MCF2L: variants seen among roughly 807,000 people sequenced by gnomAD.
MCF2L encodes MCF.2 cell line derived transforming sequence like, also known as guanine nucleotide exchange factor DBS.
MCF2L carries 97 observed loss-of-function variants against 153.4 expected under a neutral mutation model. The ratio of observed to expected loss-of-function variants is 0.63; its 90% confidence interval spans 0.54 to 0.75. MCF2L has a LOEUF of 0.75. Among genes scored for constraint, MCF2L ranks in the 30% least tolerant of loss-of-function variants. The probability of loss-of-function intolerance (pLI) is 0.00; values close to 1 mark genes in which losing one functional copy is unlikely to be tolerated. For missense variants in MCF2L, 1,347 were observed against 1,495.2 expected (o/e 0.90, Z 1.64); for synonymous variants, 659 against 632.2 (o/e 1.04, Z -0.64).
Position 113,099,503 on chromosome 13 carries a change from G to A in MCF2L, c.*2644G>A, listed in dbSNP as rs2142179511. On this transcript the variant is annotated 3_prime_UTR_variant, in exon 30 of 30. Coordinates refer to ENST00000535094, the MANE Select transcript of MCF2L (RefSeq NM_001112732.3). ...AGATTGGTGTCGACAGCTTAGTGGT[G>A]TCTGATTTTATACATGACAAAATGA... 1 of 152,292 alleles carries A rather than the reference G, an allele frequency of 6.6e-6. No individual in the cohort carries two copies. The highest frequency in any genetic ancestry group is 6.5e-5 in the Admixed American group (1 of 15,306). The allele number at this position is 152,292 out of a possible 1,614,324, so 9.4% of individuals were successfully genotyped here. A position where few individuals can be genotyped will look rare whatever the true frequency, so the allele number is the denominator to read the frequency against.
chr13:113,061,319 CT>C (rs2031367426), intron 5 of MCF2L, among the ~76,000 whole-genome samples: 1 of 152,168 alleles, frequency 6.6e-6, no homozygotes, highest in African/African-American at 2.4e-5. Context: ...AGAACAAAGG[CT>C]TCACAAAGTC....
intron 1 of MCF2L, among the ~76,000 whole-genome samples, chr13:113,011,358 A>T (rs2084082997): frequency 6.6e-6 from 1 of 152,268 alleles, no homozygotes. Flanking sequence ...GTCCTGGCCC[A>T]GAGAGTCCAG....
At chr13:113,033,091 A>G (rs2993319) in intron 3 of MCF2L, among the ~76,000 whole-genome samples, 7,992 of 36,998 alleles carry the variant, frequency 0.22, 1,398 homozygotes, top group East Asian at 0.47. Flanking sequence ...ACCCCGTGGC[A>G]TGAGTGGCTG....
intron 9 of MCF2L, among the ~76,000 whole-genome samples, chr13:113,071,317 A>G (rs2032897872): frequency 2.6e-5 from 4 of 152,252 alleles, no homozygotes; most frequent in Admixed American, 6.5e-5. Flanking sequence ...TCTTTGCCAC[A>G]TATGTGGTTT....
In MCF2L at chr13:113,031,890, AGATG is replaced by A. The variant is rs1348618126; in HGVS notation, c.278+7133_278+7136del. On this transcript the variant is annotated intron_variant, in intron 3 of 29. Coordinates refer to ENST00000535094, the MANE Select transcript of MCF2L (RefSeq NM_001112732.3). This position sits in a 1 kb window ranked among gnomAD's most constrained non-coding sequence, Gnocchi z 5.5. The stretch of plus-strand genomic sequence containing the variant: ...GCCACACACACACACACACACACAC[AGATG>A]CACGCAGACACGCAGGCACTCATGC... 1.4e-5 allele frequency among the ~76,000 whole-genome samples: 2 copies of A among 142,324 alleles called. No individual in the cohort carries two copies. Among genetic ancestry groups the A allele is most frequent in the Non-Finnish European group, 3.0e-5 (2 of 65,628 alleles). 93.4% of individuals were successfully genotyped at this position (142,324 alleles called of 152,430 possible). A position where few individuals can be genotyped will look rare whatever the true frequency, so the allele number is the denominator to read the frequency against.
intron 25 of MCF2L, among the ~76,000 whole-genome samples, chr13:113,089,178 C>G (rs1243875198): frequency 1.6e-5 from 2 of 126,360 alleles, no homozygotes; most frequent in Admixed American, 1.6e-4. Context: ...CGCCCCCCCC[C>G]CCGCCCCCCG....
chr13:113,090,211 A>AT (rs2035071308), intron 26 of MCF2L: 1 of 1,476,020 alleles, frequency 6.8e-7, no homozygotes, highest in Non-Finnish European at 9.1e-7. Context: ...GGCGTCTGTC[A>AT]TGCATCGTGT....
In MCF2L at chr13:113,074,881, A is replaced by C; in HGVS notation, c.1117-117A>C. 1 of 963,464 alleles carries C rather than the reference A, an allele frequency of 1.0e-6. No homozygotes were observed. Among genetic ancestry groups the C allele is most frequent in the Non-Finnish European group, 1.6e-6 (1 of 643,430 alleles). 59.7% of individuals were successfully genotyped at this position (963,464 alleles called of 1,614,324 possible). A position where few individuals can be genotyped will look rare whatever the true frequency, so the allele number is the denominator to read the frequency against. On this transcript the variant is annotated intron_variant, in intron 10 of 29. Coordinates refer to ENST00000535094, the MANE Select transcript of MCF2L (RefSeq NM_001112732.3). This position sits in a 1 kb window ranked among gnomAD's most constrained non-coding sequence, Gnocchi z 4.2. ...AAGCAGCATCTCAGGCATCCGCAGCAGTAAACAAAGAAATCAAGACACACG... is the reference window on the plus strand; with the variant it reads ...AAGCAGCATCTCAGGCATCCGCAGCCGTAAACAAAGAAATCAAGACACACG...
At position 112,975,204 on chromosome 13, in the gene MCF2L, A is replaced by C. The variant is rs78217201; in HGVS notation, c.79+5746A>C. The stretch of plus-strand genomic sequence containing the variant: ...ACTGCCCTTGTCTGATACACACACA[A>C]AAATGGAGCTGCCTACATTGGAATT... On this transcript the variant is annotated intron_variant, in intron 1 of 29. Coordinates refer to ENST00000535094, the MANE Select transcript of MCF2L (RefSeq NM_001112732.3). Among the ~76,000 whole-genome samples, 1,249 of 152,362 alleles carry C rather than the reference A, an allele frequency of 8.2e-3. 15 individuals carry two copies. Among genetic ancestry groups the C allele is most frequent in the African/African-American group, 0.028 (1,168 of 41,582 alleles).
In MCF2L at chr13:113,075,123, T is replaced by C; in HGVS notation, c.1242T>C (p.Ser414=). The C allele has an allele frequency of 6.2e-7, 1 of 1,613,244 alleles. No homozygotes were observed. Among genetic ancestry groups the C allele is most frequent in the Non-Finnish European group, 8.5e-7 (1 of 1,179,860 alleles). Residue 414 remains serine, a synonymous_variant, in exon 11 of 30, where the codon TCT becomes TCC. Coordinates refer to ENST00000535094, the MANE Select transcript of MCF2L (RefSeq NM_001112732.3). Reference sequence around the variant, plus strand: ...TCCGGCACCTCTGTGACCAGTTCTCTGCGGAGATCGCAAGGAGGAGGGGGC... The same window carrying C: ...TCCGGCACCTCTGTGACCAGTTCTCCGCGGAGATCGCAAGGAGGAGGGGGC... ...QELRHLCDQF[S]AEIARRRGLL... is the part of the protein sequence containing the mutation.
rs1207938649 is a variant in MCF2L, at chr13:112,983,146, G to A, written c.79+13688G>A. On this transcript the variant is annotated intron_variant, in intron 1 of 29. Coordinates refer to ENST00000535094, the MANE Select transcript of MCF2L (RefSeq NM_001112732.3). The surrounding 1 kb of genome is among the most constrained non-coding windows in gnomAD (Gnocchi z 4.0). ...GGCTGTGGCAGGGACGCAGCACTCA[G>A]CAGGTGCCTCAGGGTTTGTTGGAGG... Among the ~76,000 whole-genome samples, 2 of 152,100 alleles carry A rather than the reference G, an allele frequency of 1.3e-5. No individual in the cohort carries two copies. The highest frequency in any genetic ancestry group is 4.8e-5 in the African/African-American group (2 of 41,402).
rs945395022 is a variant in MCF2L, at chr13:112,943,356, G to A, written c.169+40985G>A. 4.7e-4 allele frequency among the ~76,000 whole-genome samples: 71 copies of A among 152,152 alleles called. No individual in the cohort carries two copies. Among genetic ancestry groups the A allele is most frequent in the Non-Finnish European group, 2.5e-4 (17 of 68,008 alleles). Reference sequence around the variant, plus strand: ...TAGGGCCCCCGGCCGCAGAGCCCAGGCGCGGGGAGGGCGGCGGCTCCCAGC... The same window carrying A: ...TAGGGCCCCCGGCCGCAGAGCCCAGACGCGGGGAGGGCGGCGGCTCCCAGC... On this transcript the variant is annotated intron_variant, in intron 2 of 29. Transcript: ENST00000375608. This position sits in a 1 kb window ranked among gnomAD's most constrained non-coding sequence, Gnocchi z 4.2.
chr13:113,026,633 A>C (rs1245852219), intron 3 of MCF2L, among the ~76,000 whole-genome samples: 1 of 152,210 alleles, frequency 6.6e-6, no homozygotes, highest in Non-Finnish European at 1.5e-5. Flanking sequence ...GCCCATCTGC[A>C]CGGGACCTGA....
At chr13:112,968,512 TG>T, upstream of MCF2L, 1 of 1,577,790 alleles carries the variant, frequency 6.3e-7, no homozygotes. Context: ...CTTCCCTCAC[TG>T]GGTCCTGCGT....
intron 8 of MCF2L, 39 bp downstream of exon 8, chr13:113,066,209 G>A: frequency 6.4e-7 from 1 of 1,557,960 alleles, no homozygotes; most frequent in East Asian, 2.3e-5. Context: ...TCCTGTCCCA[G>A]TCCATGGCAG....
At chr13:112,936,477 T>G (rs2081516426) in intron 2 of MCF2L, among the ~76,000 whole-genome samples, 1 of 152,214 alleles carries the variant, frequency 6.6e-6, no homozygotes, top group South Asian at 2.1e-4. Flanking sequence ...GAGCTTTGGG[T>G]GAAAGGCTTT....
intron 3 of MCF2L, among the ~76,000 whole-genome samples, chr13:113,032,830 A>G (rs933670292): frequency 6.6e-6 from 1 of 152,182 alleles, no homozygotes; most frequent in African/African-American, 2.4e-5. Context: ...TTGGCCTCCA[A>G]AGTGCTGGGA....
intron 3 of MCF2L, chr13:113,040,411 C>CGTGTGTGTGTGTGT (rs1566784016): frequency 2.9e-4 from 6 of 20,998 alleles, no homozygotes; most frequent in East Asian, 1.3e-3. Context: ...GGAGGGCCTT[C>CGTGTGTGTGTGTGT]CTGTGTGTGT....
At chr13:112,944,766 G>C (rs1157473753) in intron 2 of MCF2L, among the ~76,000 whole-genome samples, 1 of 152,088 alleles carries the variant, frequency 6.6e-6, no homozygotes, top group African/African-American at 2.4e-5. Context: ...GATTACAGGC[G>C]TGAGCCACCG....
Sources: allele counts gnomAD v4.1 joint callset (sites outside exome capture counted in the v4.1 genomes callset), GRCh38; gene constraint gnomAD v4.1.1; non-coding constraint Gnocchi (gnomAD v3.1); transcripts MANE v1.5; gene names NCBI Gene and HGNC (gene_info 2026-07-23, HGNC 2026-07-21).